GRAMD1B: variants seen among roughly 807,000 people sequenced by gnomAD.
GRAMD1B encodes GRAM domain containing 1B.
Under a neutral mutation model 99.7 loss-of-function variants are expected in GRAMD1B, and 37 were observed. The ratio of observed to expected loss-of-function variants is 0.37; its 90% CI spans 0.29 to 0.49. The LOEUF is 0.49. GRAMD1B is among the 20% of genes least tolerant of loss of function. The probability of loss-of-function intolerance (pLI) is 0.98; values close to 1 mark genes in which losing one functional copy is unlikely to be tolerated. For synonymous variants in GRAMD1B, 427 were observed against 387.6 expected (o/e 1.10, Z -1.19); for missense variants, 888 against 1,009.2 (o/e 0.88, Z 1.63).
intron 2 of GRAMD1B, among the ~76,000 whole-genome samples, chr11:123,529,915 C>T (rs758473237): frequency 3.2e-4 from 48 of 151,956 alleles, no homozygotes; most frequent in Non-Finnish European, 5.4e-4. Flanking sequence ...TTGGTAATGC[C>T]GTCTCCAAAG....
intron 1 of GRAMD1B, among the ~76,000 whole-genome samples, chr11:123,445,535 G>T (rs1383878529): frequency 6.6e-6 from 1 of 152,030 alleles, no homozygotes; most frequent in Non-Finnish European, 1.5e-5. Flanking sequence ...AGACTCTGGG[G>T]CCTGGCGCAG....
chr11:123,452,794 G>T (rs1949946644), intron 1 of GRAMD1B, among the ~76,000 whole-genome samples: 1 of 152,158 alleles, frequency 6.6e-6, no homozygotes, highest in Non-Finnish European at 1.5e-5. Context: ...GGGAATTCTG[G>T]CCATGGCCTT....
chr11:123,393,964 C>T (rs1241338765), intron 1 of GRAMD1B, among the ~76,000 whole-genome samples: 2 of 152,160 alleles, frequency 1.3e-5, no homozygotes, highest in Non-Finnish European at 2.9e-5. Flanking sequence ...CACTGCAAAT[C>T]CCTTACAACT....
At chr11:123,593,879 A>C (rs1388020140) in intron 4 of GRAMD1B, among the ~76,000 whole-genome samples, 3 of 152,028 alleles carry the variant, frequency 2.0e-5, no homozygotes, top group Non-Finnish European at 1.5e-5. Context: ...CTGGCTGCAT[A>C]GTGTTTCCCA....
intron 1 of GRAMD1B, among the ~76,000 whole-genome samples, chr11:123,444,396 G>A (rs1218891345): frequency 6.6e-6 from 1 of 152,050 alleles, no homozygotes; most frequent in African/African-American, 2.4e-5. Context: ...GGTGGCTGAG[G>A]TGGGAGGATC....
intron 2 of GRAMD1B, among the ~76,000 whole-genome samples, chr11:123,559,155 C>T (rs185454816): frequency 6.6e-6 from 1 of 152,184 alleles, no homozygotes; most frequent in African/African-American, 2.4e-5. Context: ...GAAAGGCTGA[C>T]TTTTGGGTGG....
At chr11:123,590,802 G>T (rs1033885279) in intron 4 of GRAMD1B, among the ~76,000 whole-genome samples, 1 of 152,316 alleles carries the variant, frequency 6.6e-6, no homozygotes, top group East Asian at 1.9e-4. Flanking sequence ...TTGATTAAAC[G>T]TGCCACTCTG....
At chr11:123,595,851 T>G (rs1951208878) in intron 6 of GRAMD1B, 91 bp from the exon 7 acceptor site, 1 of 660,030 alleles carries the variant, frequency 1.5e-6, no homozygotes, top group East Asian at 2.8e-5. Flanking sequence ...TGATTGCCTC[T>G]GTCTACACTG....
At chr11:123,543,480 C>T (rs1944750228) in intron 2 of GRAMD1B, among the ~76,000 whole-genome samples, 1 of 152,104 alleles carries the variant, frequency 6.6e-6, no homozygotes, top group South Asian at 2.1e-4. Context: ...ACTAAGTTGG[C>T]CAAAGGAGGA....
At chr11:123,526,271 AC>A in intron 2 of GRAMD1B, 1 of 1,017,326 alleles carries the variant, frequency 9.8e-7, no homozygotes, top group Non-Finnish European at 1.5e-6. Flanking sequence ...ATGCCATCTC[AC>A]CAGGCATCGA....
chr11:123,624,476 C>T lies in GRAMD1B; in HGVS notation c.*1881C>T, dbSNP rs553942526. On this transcript the variant is annotated 3_prime_UTR_variant, in exon 20 of 20. Transcript: ENST00000635736. ...GGCATGAGCTAGAGTGGATATTCCT[C>T]CCCTAGAAGAGGAGATGGGAGGAAA... 6.6e-6 allele frequency: 1 copy of T among 152,182 alleles called. No individual in the cohort carries two copies. The highest frequency in any genetic ancestry group is 1.5e-5 in the Non-Finnish European group (1 of 68,054). 9.4% of individuals were successfully genotyped at this position (152,182 alleles called of 1,614,324 possible).
intron 3 of GRAMD1B, among the ~76,000 whole-genome samples, chr11:123,580,422 G>C (rs1565406378): frequency 6.6e-6 from 1 of 152,122 alleles, no homozygotes; most frequent in African/African-American, 2.4e-5. Context: ...GTTGTAGCTG[G>C]TCCACCTCAC....
chr11:123,422,084 T>C (rs1486313821), intron 1 of GRAMD1B, among the ~76,000 whole-genome samples: 3 of 152,160 alleles, frequency 2.0e-5, no homozygotes, highest in Admixed American at 1.3e-4. Flanking sequence ...TTTCAGAGTA[T>C]TAAAATGCCA....
intron 2 of GRAMD1B, among the ~76,000 whole-genome samples, chr11:123,520,776 C>CAAAAAAAAAAAAAAA: frequency 9.6e-6 from 1 of 103,694 alleles, no homozygotes; most frequent in Non-Finnish European, 1.9e-5. Context: ...GAGACCCTGT[C>CAAAAAAAAAAAAAAA]AAAAAAAAAA....
chr11:123,620,026 G>A (rs527877722), intron 19 of GRAMD1B, among the ~76,000 whole-genome samples: 10 of 152,286 alleles, frequency 6.6e-5, no homozygotes, highest in Non-Finnish European at 1.3e-4. Context: ...TTTTGTGACC[G>A]TGAGCAAGGG....
chr11:123,444,568 G>C (rs367646246), intron 1 of GRAMD1B, among the ~76,000 whole-genome samples: 1 of 152,084 alleles, frequency 6.6e-6, no homozygotes, highest in Admixed American at 6.5e-5. Context: ...GAGCCCCCAC[G>C]TCTTTCCATG....
chr11:123,403,512 CTTTT>C (rs915633075), intron 1 of GRAMD1B, among the ~76,000 whole-genome samples: 1 of 149,450 alleles, frequency 6.7e-6, no homozygotes. Context: ...TGTTGTTAGG[CTTTT>C]TTTGTTTTTT....
intron 2 of GRAMD1B, among the ~76,000 whole-genome samples, chr11:123,513,698 C>T (rs1444915255): frequency 7.0e-6 from 1 of 143,876 alleles, no homozygotes; most frequent in East Asian, 2.0e-4. Context: ...TCTCTATTGC[C>T]TAGACTGGAG....
Position 123,606,698 on chromosome 11 carries a change from G to T in GRAMD1B, c.1413G>T (p.Lys471Asn). 1.2e-6 allele frequency: 2 copies of T among 1,613,602 alleles called. No homozygotes were observed. Among genetic ancestry groups the T allele is most frequent in the Non-Finnish European group, 1.7e-6 (2 of 1,179,730 alleles). Residue 471 changes from lysine to asparagine, a missense_variant, in exon 11 of 20, where the codon AAG becomes AAT. Coordinates refer to ENST00000635736, the MANE Select transcript of GRAMD1B (RefSeq NM_001387025.1). ...ELAIDNIMGE[K>N]IEMIAPVNSP... ...CCATTGACAACATCATGGGGGAGAA[G>T]ATTGAGATGATCGCTCCTGTGAACT...
Sources: gnomAD v4.1 joint callset for allele counts (sites outside exome capture counted in the v4.1 genomes callset) on GRCh38, gnomAD v4.1.1 for gene constraint, MANE v1.5 for transcripts, NCBI Gene and HGNC (gene_info 2026-07-23, HGNC 2026-07-21) for gene names.